The following NCOR2 variants were observed in gnomAD, a reference collection of about 807,000 sequenced individuals.
NCOR2 encodes the protein CTG repeat protein 26.
A neutral mutation model predicts 262.9 loss-of-function variants in NCOR2; 81 were observed. The observed-to-expected ratio is 0.31, with a 90% CI of 0.26 to 0.37. The LOEUF (loss-of-function observed/expected upper bound fraction) is 0.37. Among genes scored for constraint, NCOR2 ranks in the 10% least tolerant of loss-of-function variants. The pLI, the probability that NCOR2 is intolerant of heterozygous loss-of-function variation, is 1.00. For missense variants in NCOR2, 3,385 were observed against 3,621.4 expected (o/e 0.93, Z 1.68); for synonymous variants, 1,659 against 1,559.3 (o/e 1.06, Z -1.51).
intron 43 of NCOR2, among the ~76,000 whole-genome samples, chr12:124,331,315 G>T (rs1381471779): frequency 6.6e-6 from 1 of 152,076 alleles, no homozygotes; most frequent in Non-Finnish European, 1.5e-5. Flanking sequence ...CACCCGCCTT[G>T]ACCTCCCAAA....
chr12:124,464,040 A>G (rs1565966357), intron 5 of NCOR2, among the ~76,000 whole-genome samples: 1 of 152,270 alleles, frequency 6.6e-6, no homozygotes, highest in Non-Finnish European at 1.5e-5. Flanking sequence ...GTTTCCATTC[A>G]TAATAAACAG....
intron 1 of NCOR2, among the ~76,000 whole-genome samples, chr12:124,550,426 C>G (rs996798335): frequency 6.6e-6 from 1 of 152,168 alleles, no homozygotes; most frequent in Non-Finnish European, 1.5e-5. Flanking sequence ...GGAGTCTAAC[C>G]TACTGGGTCT....
intron 10 of NCOR2, among the ~76,000 whole-genome samples, chr12:124,428,459 G>C (rs2043721170): frequency 1.3e-5 from 2 of 152,224 alleles, no homozygotes; most frequent in Non-Finnish European, 2.9e-5. Flanking sequence ...TAAAAATGCG[G>C]ATTCCTGGGC....
chr12:124,542,793 C>T (rs2051414489), intron 1 of NCOR2: 1 of 152,286 alleles, frequency 6.6e-6, no homozygotes, highest in Middle Eastern at 3.1e-3. Flanking sequence ...AACAAGGAGC[C>T]TCCCCTGTCT....
At chr12:124,563,420 T>C (rs1227682147) in intron 1 of NCOR2, among the ~76,000 whole-genome samples, 1 of 152,238 alleles carries the variant, frequency 6.6e-6, no homozygotes, top group African/African-American at 2.4e-5. Context: ...CTAAGTTCAT[T>C]CATCATAAGC....
intron 11 of NCOR2, among the ~76,000 whole-genome samples, chr12:124,425,613 G>A (rs2043493154): frequency 6.6e-6 from 1 of 152,172 alleles, no homozygotes; most frequent in Non-Finnish European, 1.5e-5. Context: ...CCGGGCCAGG[G>A]ATGGAGGTCT....
chr12:124,354,174 C>A (rs2271143), exon 27 of NCOR2: 3 of 1,604,778 alleles, frequency 1.9e-6, no homozygotes, highest in Admixed American at 1.7e-5. Flanking sequence ...TGCTTCCGCC[C>A]GGAACTGAGC....
At chr12:124,329,770 TAA>T (rs1287457230) in intron 44 of NCOR2, among the ~76,000 whole-genome samples, 1 of 152,198 alleles carries the variant, frequency 6.6e-6, no homozygotes, top group Non-Finnish European at 1.5e-5. Context: ...TATTTATATA[TAA>T]GTGTTAGCAT....
intron 3 of NCOR2, among the ~76,000 whole-genome samples, chr12:124,478,774 G>A (rs1333006924): frequency 3.1e-4 from 47 of 152,226 alleles, no homozygotes; most frequent in Admixed American, 3.0e-3. Flanking sequence ...CATAGATGAA[G>A]ACAGAAACAG....
rs753424465 is a variant in NCOR2 at position 124,341,854 on chromosome 12, C to T, written c.5157G>A (p.Ser1719=). ...GACCCGCAGCGTAGTTGAGTGCCAG[C>T]GAGGACTCGCGGGGCGAGAGGCCCC... Residue 1719 remains serine (S), a synonymous_variant, in exon 34 of 47, where the codon TCG becomes TCA. Transcript: ENST00000405201. 1.3e-5 allele frequency: 21 copies of T among 1,608,800 alleles called. No homozygotes were observed. The East Asian group carries it at 2.9e-4, about 22-fold the overall frequency.
intron 6 of NCOR2, among the ~76,000 whole-genome samples, chr12:124,451,095 C>T (rs1010264094): frequency 3.3e-5 from 5 of 152,262 alleles, no homozygotes; most frequent in East Asian, 1.9e-4. Context: ...AAAGCAGAGG[C>T]TTGAAGATGC....
At chr12:124,337,621 G>C (rs2036001580) in intron 37 of NCOR2, among the ~76,000 whole-genome samples, 1 of 152,194 alleles carries the variant, frequency 6.6e-6, no homozygotes, top group Non-Finnish European at 1.5e-5. Context: ...TTCAGGGAGG[G>C]GGCACATGAG....
intron 41 of NCOR2, among the ~76,000 whole-genome samples, chr12:124,333,952 ACGTG>A (rs1349464153): frequency 6.6e-5 from 8 of 120,422 alleles, no homozygotes; most frequent in Admixed American, 1.6e-4. Context: ...GTGGGTGTGC[ACGTG>A]TGTGTGTGCG....
chr12:124,508,733 T>C (rs2049197209), intron 1 of NCOR2, among the ~76,000 whole-genome samples: 1 of 152,168 alleles, frequency 6.6e-6, no homozygotes, highest in Non-Finnish European at 1.5e-5. Context: ...TCTCCCGATA[T>C]TTCTAAAAAA....
At chr12:124,391,014 G>A (rs1264305864) in intron 16 of NCOR2, among the ~76,000 whole-genome samples, 8 of 152,250 alleles carry the variant, frequency 5.3e-5, no homozygotes, top group African/African-American at 9.6e-5. Context: ...ATGGGGCAGC[G>A]TCCCACATGC....
intron 42 of NCOR2, among the ~76,000 whole-genome samples, 172 bp from the exon 45 acceptor site, chr12:124,332,639 C>T (rs560738991): frequency 3.3e-5 from 5 of 152,278 alleles, no homozygotes; most frequent in South Asian, 2.1e-4. Flanking sequence ...ATCTCCTCTG[C>T]GGTTCACCCG....
In NCOR2 at chr12:124,559,823, A is replaced by G. The variant is rs150432951; in HGVS notation, c.-165+7485T>C. 7.2e-5 allele frequency among the ~76,000 whole-genome samples: 11 copies of G among 152,350 alleles called. No individual in the cohort carries two copies. In the East Asian group the frequency reaches 2.1e-3, roughly 29 times the overall value. On this transcript the variant is annotated intron_variant, in intron 1 of 32. Transcript: ENST00000458234. The stretch of plus-strand genomic sequence containing the variant: ...GAGCTTCCTAGTAGCCAAAGCAAAG[A>G]GGGAAACAAGATGGATTACGGCTTT...
chr12:124,389,051 G>A lies in NCOR2; in HGVS notation c.1877-3164C>T, dbSNP rs574676225. The stretch of plus-strand genomic sequence containing the variant: ...CCCCAAGCCGCTGTGGGCGCGCGAG[G>A]TGCCCTTCCCCGAGGGTGGTGGGTG... On this transcript the variant is annotated intron_variant, in intron 16 of 46. Transcript: ENST00000405201. This position sits in a 1 kb window ranked among gnomAD's most constrained non-coding sequence, Gnocchi z 4.4. Among the ~76,000 whole-genome samples, 5 of 152,264 alleles carry A rather than the reference G, an allele frequency of 3.3e-5. No individual in the cohort carries two copies. In the South Asian group the frequency reaches 8.3e-4, roughly 25 times the overall value.
At chr12:124,363,502 A>G (rs1468245665) in intron 21 of NCOR2, among the ~76,000 whole-genome samples, 177 bp downstream of exon 23, 1 of 152,182 alleles carries the variant, frequency 6.6e-6, no homozygotes, top group African/African-American at 2.4e-5. Flanking sequence ...CCCACCCGGT[A>G]CGCCTGCCAG....
Sources: gnomAD v4.1 joint callset for allele counts (sites outside exome capture counted in the v4.1 genomes callset) on GRCh38, gnomAD v4.1.1 for gene constraint, Gnocchi (gnomAD v3.1) non-coding constraint, MANE v1.5 for transcripts, NCBI Gene and HGNC (gene_info 2026-07-23, HGNC 2026-07-21) for gene names.